The following BMPR1A variants were observed in gnomAD, a reference collection of about 807,000 sequenced individuals.
BMPR1A encodes bone morphogenetic protein receptor type 1A, also known as bone morphogenetic protein receptor type-1A.
BMPR1A carries 7 observed loss-of-function variants against 66.0 expected under a neutral mutation model. The ratio of observed to expected loss-of-function variants is 0.11; its 90% CI spans 0.06 to 0.20. The LOEUF is 0.20. Ranked by LOEUF, BMPR1A falls within the 10% of genes least tolerant of loss-of-function variation. The pLI is 1.00. For missense variants in BMPR1A, 408 were observed against 669.1 expected (o/e 0.61, Z 4.31); for synonymous variants, 200 against 229.7 (o/e 0.87, Z 1.17).
At chr10:86,913,075 T>A (rs1843514004) in intron 8 of BMPR1A, among the ~76,000 whole-genome samples, 1 of 152,040 alleles carries the variant, frequency 6.6e-6, no homozygotes, top group African/African-American at 2.4e-5. Flanking sequence ...AGTTTTTAAT[T>A]GTATTAGTTG....
At chr10:86,794,317 A>G (rs1841674178) in intron 1 of BMPR1A, among the ~76,000 whole-genome samples, 1 of 152,074 alleles carries the variant, frequency 6.6e-6, no homozygotes, top group Non-Finnish European at 1.5e-5. Context: ...TCTGCTGTGT[A>G]GCAGCACTGT....
chr10:86,916,637 A>T (rs993188744), intron 8 of BMPR1A, among the ~76,000 whole-genome samples: 1 of 152,230 alleles, frequency 6.6e-6, no homozygotes, highest in Non-Finnish European at 1.5e-5. Context: ...GCAAACAGCC[A>T]GCCACTTGAA....
In BMPR1A at chr10:86,926,707, G is replaced by C. The variant is rs1270452785; in HGVS notation, c.*2988G>C. On this transcript the variant is annotated 3_prime_UTR_variant, in exon 13 of 13. Transcript: ENST00000372037. ...TTAGTAAATTCGTAAAACCTTGGAA[G>C]CCATTATTTGGTCCCACTTGCAATT... 1 of 183,030 alleles carries C rather than the reference G, an allele frequency of 5.5e-6. No individual in the cohort carries two copies. Among genetic ancestry groups the C allele is most frequent in the Non-Finnish European group, 1.2e-5 (1 of 86,132 alleles). The allele number at this position is 183,030 out of a possible 1,614,324, so 11.3% of individuals were successfully genotyped here. A position where few individuals can be genotyped will look rare whatever the true frequency, so the allele number is the denominator to read the frequency against.
chr10:86,775,046 TG>T (rs1226462034), intron 1 of BMPR1A, among the ~76,000 whole-genome samples: 1 of 152,158 alleles, frequency 6.6e-6, no homozygotes, highest in Admixed American at 6.5e-5. Flanking sequence ...CCCCAGCCAA[TG>T]GACTAAGAGA....
chr10:86,797,482 C>T (rs113369169), intron 1 of BMPR1A, among the ~76,000 whole-genome samples: 21 of 152,118 alleles, frequency 1.4e-4, no homozygotes, highest in African/African-American at 1.9e-4. Flanking sequence ...TCGCCCACTT[C>T]GGCCTCCCTG....
intron 10 of BMPR1A, among the ~76,000 whole-genome samples, chr10:86,920,781 C>T (rs983763281): frequency 4.6e-5 from 7 of 151,324 alleles, no homozygotes; most frequent in African/African-American, 1.5e-4. Context: ...CAAGCGATTC[C>T]TCTTGTATTT....
At chr10:86,798,222 A>G (rs147954707) in intron 1 of BMPR1A, among the ~76,000 whole-genome samples, 1 of 152,180 alleles carries the variant, frequency 6.6e-6, no homozygotes, top group Admixed American at 6.5e-5. Context: ...TAGCTTTTGT[A>G]GCTTACTACC....
chr10:86,846,525 C>A (rs1842486719), intron 2 of BMPR1A, among the ~76,000 whole-genome samples: 1 of 152,150 alleles, frequency 6.6e-6, no homozygotes, highest in African/African-American at 2.4e-5. Flanking sequence ...TCTCTTATTT[C>A]CTTTTTGGAC....
chr10:86,834,166 A>AGACT (rs1842310362), intron 1 of BMPR1A, among the ~76,000 whole-genome samples: 1 of 152,228 alleles, frequency 6.6e-6, no homozygotes, highest in African/African-American at 2.4e-5. Context: ...ATGTGTTACC[A>AGACT]GACTACCCAC....
intron 2 of BMPR1A, chr10:86,855,445 G>T: frequency 1.6e-6 from 1 of 629,594 alleles, no homozygotes; most frequent in South Asian, 2.3e-5. Flanking sequence ...ATGCCTATTA[G>T]AGTTATTTCT....
chr10:86,827,579 G>A (rs1340395470), intron 1 of BMPR1A, among the ~76,000 whole-genome samples: 1 of 152,124 alleles, frequency 6.6e-6, no homozygotes, highest in African/African-American at 2.4e-5. Flanking sequence ...TGAGTCTTGG[G>A]TGTATACACC....
chr10:86,843,687 G>A (rs1370399271), intron 2 of BMPR1A, among the ~76,000 whole-genome samples: 1 of 152,188 alleles, frequency 6.6e-6, no homozygotes, highest in Non-Finnish European at 1.5e-5. Flanking sequence ...ATGGGTAAAG[G>A]ATATTTCTGG....
intron 2 of BMPR1A, among the ~76,000 whole-genome samples, chr10:86,875,528 A>AT (rs1842910454): frequency 6.6e-6 from 1 of 152,254 alleles, no homozygotes; most frequent in East Asian, 1.9e-4. Flanking sequence ...TATGTTTTAA[A>AT]TTTAACTTTT....
intron 1 of BMPR1A, among the ~76,000 whole-genome samples, chr10:86,771,919 T>C (rs944498491): frequency 2.2e-4 from 33 of 151,640 alleles, no homozygotes; most frequent in African/African-American, 8.0e-4. Flanking sequence ...TGTGAGCCAC[T>C]GTGCCTGGCT....
chr10:86,866,221 CTT>C (rs567037609), intron 2 of BMPR1A, among the ~76,000 whole-genome samples: 66 of 123,930 alleles, frequency 5.3e-4, no homozygotes, highest in South Asian at 1.1e-3. Context: ...GAAGAGGGAG[CTT>C]TTTTTTTTTT....
At chr10:86,917,463 G>A in intron 9 of BMPR1A, 137 bp downstream of exon 9, 3 of 1,068,580 alleles carry the variant, frequency 2.8e-6, no homozygotes, top group Admixed American at 2.0e-5. Context: ...AGAATACACG[G>A]TTTGAATAAA....
intron 2 of BMPR1A, among the ~76,000 whole-genome samples, chr10:86,865,180 T>C (rs955237886): frequency 2.6e-5 from 4 of 152,012 alleles, no homozygotes; most frequent in African/African-American, 9.7e-5. Flanking sequence ...ACTGATGACA[T>C]TCCACCACAA....
chr10:86,788,693 C>T (rs11202181), intron 1 of BMPR1A, among the ~76,000 whole-genome samples: 2,545 of 150,528 alleles, frequency 0.017, 76 homozygotes, highest in African/African-American at 0.059. Flanking sequence ...CTGTAACCTC[C>T]GCCTCCTGGG....
At chr10:86,869,421 C>T (rs1220851632) in intron 2 of BMPR1A, among the ~76,000 whole-genome samples, 2 of 142,954 alleles carry the variant, frequency 1.4e-5, no homozygotes, top group Non-Finnish European at 3.0e-5. Flanking sequence ...TGCACCACTG[C>T]AGTCCAGCCT....
Sources: allele counts gnomAD v4.1 joint callset (sites outside exome capture counted in the v4.1 genomes callset), GRCh38; gene constraint gnomAD v4.1.1; transcripts MANE v1.5; gene names NCBI Gene and HGNC (gene_info 2026-07-23, HGNC 2026-07-21).